The following MAP3K15 variants were observed in gnomAD, a reference collection of about 807,000 sequenced individuals.
The protein encoded by MAP3K15 is mitogen-activated protein kinase kinase kinase 15.
MAP3K15 carries 124 observed loss-of-function variants against 99.5 expected under a neutral mutation model. The ratio of observed to expected loss-of-function variants is 1.25; its 90% CI spans 1.08 to 1.45. MAP3K15 has a LOEUF of 1.45. Ranked by LOEUF, MAP3K15 falls within the 40% of genes most tolerant of loss-of-function variation. The probability of loss-of-function intolerance (pLI) is 0.00; values close to 1 mark genes in which losing one functional copy is unlikely to be tolerated. For synonymous variants in MAP3K15, 494 were observed against 439.6 expected (o/e 1.12, Z -1.55); for missense variants, 1,242 against 1,079.7 (o/e 1.15, Z -2.11).
rs149790715 is a variant in MAP3K15, at chrX:19,439,056, G to A, written c.996-7448C>T. ...CTACAAAAATACAAAAATTAGCCAG[G>A]TGTGGTGGTAGGTGCCTGTAATCCT... On this transcript the variant is annotated intron_variant, in intron 6 of 28. Transcript: ENST00000338883. 7.2e-5 allele frequency among the ~76,000 whole-genome samples: 8 copies of A among 111,848 alleles called. No individual in the cohort carries two copies. The East Asian group carries it at 2.0e-3, about 27-fold the overall frequency.
intron 18 of MAP3K15, among the ~76,000 whole-genome samples, chrX:19,385,905 C>G (rs747604100): frequency 2.7e-5 from 3 of 112,026 alleles, no homozygotes; most frequent in Non-Finnish European, 3.8e-5. Flanking sequence ...GTACAGGGCA[C>G]TAATGGAAAA....
chrX:19,463,994 A>T (rs1398891502), intron 4 of MAP3K15, among the ~76,000 whole-genome samples: 4 of 111,372 alleles, frequency 3.6e-5, no homozygotes, highest in Admixed American at 9.6e-5. Context: ...TGTCAAGATC[A>T]AACAGGGAGT....
At chrX:19,383,016 G>C (rs953600491) in intron 18 of MAP3K15, among the ~76,000 whole-genome samples, 2 of 111,469 alleles carry the variant, frequency 1.8e-5, no homozygotes, top group Admixed American at 1.9e-4. Flanking sequence ...GTGGCCCTAA[G>C]CTTGGCGTTG....
intron 18 of MAP3K15, among the ~76,000 whole-genome samples, chrX:19,387,265 G>A: frequency 8.9e-6 from 1 of 111,932 alleles, no homozygotes; most frequent in South Asian, 3.8e-4. Flanking sequence ...GGGGCTGTAA[G>A]GTGTGGGGAT....
chrX:19,471,207 AGAG>A (rs1170488834), intron 3 of MAP3K15, among the ~76,000 whole-genome samples: 3 of 111,907 alleles, frequency 2.7e-5, no homozygotes, highest in East Asian at 2.8e-4. Context: ...TCCCAGAAGA[AGAG>A]GAGAGAAAGG....
intron 1 of MAP3K15, among the ~76,000 whole-genome samples, chrX:19,507,169 G>T (rs528460047): frequency 9.0e-6 from 1 of 111,412 alleles, no homozygotes; most frequent in African/African-American, 3.3e-5. Context: ...TAAACAAAAC[G>T]GTGTACTCCA....
intron 25 of MAP3K15, among the ~76,000 whole-genome samples, chrX:19,368,827 C>G (rs1218933104): frequency 1.9e-5 from 2 of 107,359 alleles, no homozygotes; most frequent in Non-Finnish European, 3.8e-5. Context: ...CTATATATAC[C>G]TCTCTGATTC....
intron 11 of MAP3K15, among the ~76,000 whole-genome samples, chrX:19,411,777 G>A (rs754902943): frequency 2.7e-5 from 3 of 111,415 alleles, no homozygotes; most frequent in South Asian, 3.8e-4. Context: ...TGGCACGTTC[G>A]GGGACCAACA....
At position 19,413,396 on chromosome X, in the gene MAP3K15, C is replaced by G; in HGVS notation, c.1659G>C (p.Glu553Asp). 1 of 1,208,415 alleles carries G rather than the reference C, an allele frequency of 8.3e-7. No homozygotes were observed. Among genetic ancestry groups the G allele is most frequent in the Non-Finnish European group, 1.1e-6 (1 of 893,592 alleles). ...SYVSINNEAE[E>D]RTVSLWHVSP... is the part of the protein sequence containing the mutation. ...AGACATGCCATAAAGAAACTGTTCT[C>G]TCCTCGGCTTCATTGTTTATGGAAA... Residue 553 changes from glutamate (E) to aspartate (D), a missense_variant, in exon 11 of 29, where the codon GAG becomes GAC. Glu to Asp is a conservative substitution (Grantham distance 45). Coordinates refer to ENST00000338883, the MANE Select transcript of MAP3K15 (RefSeq NM_001001671.4).
intron 25 of MAP3K15, among the ~76,000 whole-genome samples, chrX:19,368,464 C>G (rs890664634): frequency 1.2e-4 from 14 of 113,269 alleles, no homozygotes; most frequent in African/African-American, 4.5e-4. Context: ...TAAGCACCTA[C>G]TATGTGCCAG....
intron 1 of MAP3K15, among the ~76,000 whole-genome samples, chrX:19,506,832 T>C (rs1308284842): frequency 6.2e-5 from 7 of 112,581 alleles, no homozygotes; most frequent in South Asian, 3.7e-4. Flanking sequence ...CCTAGTCTTA[T>C]AGTTTTCCTA....
At chrX:19,413,286 C>A in intron 11 of MAP3K15, 71 bp downstream of exon 11, 1 of 786,468 alleles carries the variant, frequency 1.3e-6, no homozygotes, top group Non-Finnish European at 1.9e-6. Flanking sequence ...GGTGCCTTTT[C>A]CTTCAAATAC....
chrX:19,424,289 T>TACACAC (rs1405292757), intron 9 of MAP3K15, among the ~76,000 whole-genome samples: 4 of 99,688 alleles, frequency 4.0e-5, no homozygotes, highest in East Asian at 5.8e-4. Context: ...CACACATATA[T>TACACAC]ATACACATAT....
intron 3 of MAP3K15, among the ~76,000 whole-genome samples, chrX:19,464,620 TACTGA>T (rs925033020): frequency 5.4e-5 from 6 of 111,651 alleles, no homozygotes; most frequent in African/African-American, 1.6e-4. Flanking sequence ...TGGTTTCAAA[TACTGA>T]ACTGATCTGT....
intron 1 of MAP3K15, among the ~76,000 whole-genome samples, chrX:19,513,736 A>T (rs762329301): frequency 9.0e-6 from 1 of 111,670 alleles, no homozygotes; most frequent in Non-Finnish European, 1.9e-5. Flanking sequence ...ACTCCCTTTG[A>T]CCAGAAACTG....
intron 19 of MAP3K15, among the ~76,000 whole-genome samples, chrX:19,379,475 T>C (rs2063443392): frequency 1.1e-5 from 1 of 88,805 alleles, no homozygotes. Flanking sequence ...TTTGAGGTAG[T>C]GTCTTGCTGT....
At chrX:19,426,980 A>G (rs1326627881) in intron 7 of MAP3K15, among the ~76,000 whole-genome samples, 1 of 110,174 alleles carries the variant, frequency 9.1e-6, no homozygotes, top group Non-Finnish European at 1.9e-5. Context: ...TTTAAAATCA[A>G]TTCTAATCCT....
intron 1 of MAP3K15, among the ~76,000 whole-genome samples, chrX:19,500,353 A>C (rs966542094): frequency 2.7e-5 from 3 of 112,098 alleles, no homozygotes; most frequent in Non-Finnish European, 5.6e-5. Context: ...TAATTGTCAG[A>C]GCTGGGTAAT....
intron 12 of MAP3K15, chrX:19,408,478 C>A: frequency 6.1e-6 from 1 of 163,003 alleles, no homozygotes. Flanking sequence ...CATGGCAAAA[C>A]CCTGACTCTA....
Sources: allele counts gnomAD v4.1 joint callset (sites outside exome capture counted in the v4.1 genomes callset), GRCh38; gene constraint gnomAD v4.1.1; transcripts MANE v1.5; gene names NCBI Gene and HGNC (gene_info 2026-07-23, HGNC 2026-07-21).